The following PPP2R2B variants were observed in gnomAD, a reference collection of about 807,000 sequenced individuals.
PPP2R2B encodes protein phosphatase 2 regulatory subunit Bbeta, also known as serine/threonine-protein phosphatase 2A 55 kDa regulatory subunit B beta isoform.
A neutral mutation model predicts 46.0 loss-of-function variants in PPP2R2B; 5 were observed. The ratio of observed to expected loss-of-function variants is 0.11; its 90% CI spans 0.06 to 0.23. PPP2R2B has a LOEUF of 0.23. Among genes scored for constraint, PPP2R2B ranks in the 10% least tolerant of loss-of-function variants. The pLI, the probability that PPP2R2B is intolerant of heterozygous loss-of-function variation, is 1.00. For synonymous variants in PPP2R2B, 215 were observed against 206.7 expected (o/e 1.04, Z -0.34); for missense variants, 367 against 575.0 (o/e 0.64, Z 3.70).
chr5:146,684,823 G>T (rs1778388299), intron 5 of PPP2R2B, among the ~76,000 whole-genome samples: 1 of 152,154 alleles, frequency 6.6e-6, no homozygotes, highest in Non-Finnish European at 1.5e-5. Context: ...GCATTTTCTG[G>T]GAGGGGCCTT....
intron 4 of PPP2R2B, among the ~76,000 whole-genome samples, chr5:146,694,389 C>T (rs1378030762): frequency 6.6e-6 from 1 of 152,188 alleles, no homozygotes; most frequent in South Asian, 2.1e-4. Context: ...TGGCTTAGAA[C>T]ATCCCCAAAA....
At position 146,587,511 on chromosome 5, in the gene PPP2R2B, G is replaced by A. The variant is rs1414673910; in HGVS notation, c.*2436C>T. On this transcript the variant is annotated 3_prime_UTR_variant, in exon 10 of 10. Transcript: ENST00000394411. ...TTGGAGTTCGCAGATAAACTGCAAA[G>A]GGGCCTATGAACTCCTTAAACCATG... 1 of 152,200 alleles carries A rather than the reference G, an allele frequency of 6.6e-6. No individual in the cohort carries two copies. The highest frequency in any genetic ancestry group is 2.4e-5 in the African/African-American group (1 of 41,442). The allele number at this position is 152,200 out of a possible 1,614,324, so 9.4% of individuals were successfully genotyped here.
intron 2 of PPP2R2B, among the ~76,000 whole-genome samples, chr5:146,872,501 G>A (rs1181630214): frequency 6.6e-6 from 1 of 152,044 alleles, no homozygotes; most frequent in Non-Finnish European, 1.5e-5. Flanking sequence ...TGCCTTCCCA[G>A]CATCTTCATA....
intron 2 of PPP2R2B, among the ~76,000 whole-genome samples, chr5:147,064,654 G>A (rs1413511930): frequency 6.6e-6 from 1 of 152,110 alleles, no homozygotes; most frequent in Non-Finnish European, 1.5e-5. Flanking sequence ...TCTCCCACAG[G>A]TCTAGTATAC....
intron 5 of PPP2R2B, 51 bp from the exon 6 acceptor site, chr5:146,650,775 A>G (rs1486129230): frequency 1.0e-5 from 16 of 1,541,750 alleles, no homozygotes; most frequent in African/African-American, 2.7e-5. Flanking sequence ...CTTCCATAGG[A>G]AAAGAGTGTG....
At chr5:146,974,914 C>A (rs539351604) in intron 1 of PPP2R2B, among the ~76,000 whole-genome samples, 1 of 152,184 alleles carries the variant, frequency 6.6e-6, no homozygotes, top group Non-Finnish European at 1.5e-5. Flanking sequence ...TGGTCTTGAT[C>A]TCCCGACCTC....
chr5:147,047,632 T>G (rs1228707207), intron 1 of PPP2R2B, among the ~76,000 whole-genome samples: 2 of 152,112 alleles, frequency 1.3e-5, no homozygotes, highest in Non-Finnish European at 2.9e-5. Context: ...TATGCAAAAT[T>G]TCCCCCCCTT....
intron 2 of PPP2R2B, among the ~76,000 whole-genome samples, chr5:146,733,628 C>T (rs1752358944): frequency 6.6e-6 from 1 of 152,122 alleles, no homozygotes; most frequent in Non-Finnish European, 1.5e-5. Context: ...TTAGACTAAC[C>T]TCCCTCCAAG....
chr5:147,080,867 A>G (rs1289461001), intron 2 of PPP2R2B, among the ~76,000 whole-genome samples: 4 of 152,184 alleles, frequency 2.6e-5, no homozygotes, highest in Admixed American at 2.6e-4. Context: ...GCTCATTGGT[A>G]GGAATAAAAT....
chr5:146,676,077 G>A (rs887330493), intron 5 of PPP2R2B, among the ~76,000 whole-genome samples: 1 of 152,028 alleles, frequency 6.6e-6, no homozygotes, highest in African/African-American at 2.4e-5. Flanking sequence ...GCCATGCCCT[G>A]ACATGTATTG....
chr5:146,650,621 T>C lies in PPP2R2B; in HGVS notation c.551A>G (p.Asp184Gly). 1 of 1,614,070 alleles carries C rather than the reference T, an allele frequency of 6.2e-7. No homozygotes were observed. Among genetic ancestry groups the C allele is most frequent in the Non-Finnish European group, 8.5e-7 (1 of 1,179,982 alleles). The change falls in exon 6 of 10, where the codon GAC becomes GGC. Residue 184 changes from aspartate (D) to glycine (G), a missense_variant. Asp to Gly is a moderately conservative substitution (Grantham distance 94). Coordinates refer to ENST00000394411, the MANE Select transcript of PPP2R2B (RefSeq NM_181675.4). ...YHINSISVNS[D>G]YETYMSADDL... ...ATCAGCGGACATGTAGGTTTCATAG[T>C]CGCTGTTGACAGATATGGAGTTGAT...
chr5:146,829,773 G>A (rs1320241174), intron 2 of PPP2R2B, among the ~76,000 whole-genome samples: 4 of 152,080 alleles, frequency 2.6e-5, no homozygotes, highest in African/African-American at 7.2e-5. Context: ...ATTTTTTCAC[G>A]TAACTACCCC....
intron 1 of PPP2R2B, among the ~76,000 whole-genome samples, chr5:146,927,641 A>G (rs1485178124): frequency 6.6e-6 from 1 of 151,788 alleles, no homozygotes; most frequent in Non-Finnish European, 1.5e-5. Context: ...TTTCTTCCCC[A>G]CTAACCCTAG....
At position 146,899,717 on chromosome 5, in the gene PPP2R2B, T is replaced by C. The variant is rs541825436; in HGVS notation, c.79+155948A>G. ...TATTCTATGAAGACTAATATCCAAT[T>C]AATAGAAGTATCAGGAAGAATTAGG... On this transcript the variant is annotated intron_variant, in intron 1 of 8. Transcript: ENST00000336640. 2.0e-5 allele frequency among the ~76,000 whole-genome samples: 3 copies of C among 152,248 alleles called. No homozygotes were observed. In the East Asian group the frequency reaches 5.8e-4, roughly 29 times the overall value.
At chr5:146,863,110 G>C (rs1182496153) in intron 2 of PPP2R2B, among the ~76,000 whole-genome samples, 3 of 151,734 alleles carry the variant, frequency 2.0e-5, no homozygotes, top group Admixed American at 6.6e-5. Flanking sequence ...TCTGACCCCA[G>C]AAGGGGTCAG....
chr5:146,886,582 T>C (rs1005041896), intron 1 of PPP2R2B, among the ~76,000 whole-genome samples: 79 of 152,042 alleles, frequency 5.2e-4, no homozygotes, highest in African/African-American at 1.4e-3. Flanking sequence ...CCTTAAGGTA[T>C]AGCAGTGCAG....
At chr5:146,889,021 G>T (rs539456416) in intron 1 of PPP2R2B, among the ~76,000 whole-genome samples, 1 of 152,280 alleles carries the variant, frequency 6.6e-6, no homozygotes, top group South Asian at 2.1e-4. Flanking sequence ...TAATTTCCAG[G>T]GAGAGAGAAA....
chr5:147,077,484 G>A (rs1757824925), intron 2 of PPP2R2B, among the ~76,000 whole-genome samples: 1 of 152,094 alleles, frequency 6.6e-6, no homozygotes, highest in South Asian at 2.1e-4. Context: ...ACATGGAAGG[G>A]AAAGCTGAAT....
chr5:146,825,545 G>A (rs1281449437), intron 2 of PPP2R2B, among the ~76,000 whole-genome samples: 3 of 152,150 alleles, frequency 2.0e-5, no homozygotes. Flanking sequence ...TATCATAAGT[G>A]TTTTTTCTTT....
Sources: gnomAD v4.1 joint callset for allele counts (sites outside exome capture counted in the v4.1 genomes callset) on GRCh38, gnomAD v4.1.1 for gene constraint, MANE v1.5 for transcripts, NCBI Gene and HGNC (gene_info 2026-07-23, HGNC 2026-07-21) for gene names.